TPRG1: variants seen among roughly 807,000 people sequenced by gnomAD.
The protein encoded by TPRG1 is tumor protein p63 regulated 1.
Under a neutral mutation model 29.3 loss-of-function variants are expected in TPRG1, and 29 were observed. The observed-to-expected ratio is 0.99, with a 90% confidence interval of 0.74 to 1.35. TPRG1 has a LOEUF of 1.35. Ranked by LOEUF, TPRG1 falls within the 40% of genes most tolerant of loss-of-function variation. TPRG1 has a pLI of 0.00. For missense variants in TPRG1, 327 were observed against 335.0 expected, an observed-to-expected ratio of 0.98 and a Z score of 0.19; for synonymous variants, 130 against 116.8, an observed-to-expected ratio of 1.11 and a Z score of -0.73.
chr3:189,043,750 T>TGGGCTA (rs1714785374), intron 4 of TPRG1, among the ~76,000 whole-genome samples: 1 of 152,072 alleles, frequency 6.6e-6, no homozygotes, highest in African/African-American at 2.4e-5. Flanking sequence ...CATTTCTGCT[T>TGGGCTA]GGGGCTAGTG....
chr3:189,272,717 T>TTTCTTTCTTTC lies in TPRG1; in HGVS notation c.479+33809_479+33810insTCTTTCTTTCT, dbSNP rs1560633376. Among the ~76,000 whole-genome samples, 623 of 97,276 alleles carry TTTCTTTCTTTC rather than the reference T, an allele frequency of 6.4e-3. 7 individuals are homozygous for TTTCTTTCTTTC. Among genetic ancestry groups the TTTCTTTCTTTC allele is most frequent in the African/African-American group, 0.03 (598 of 19,650 alleles). 63.8% of individuals were successfully genotyped at this position (97,276 alleles called of 152,430 possible). ...TTTCTCTTTCTTTCTTTCTTTCTCC[T>TTTCTTTCTTTC]TCCTTCCTTCCTTCCTTCCTTCCTT... is the stretch of plus-strand genomic sequence containing the variant. On this transcript the variant is annotated intron_variant, in intron 4 of 5. Coordinates refer to ENST00000345063, the MANE Select transcript of TPRG1 (RefSeq NM_198485.4).
intron 4 of TPRG1, among the ~76,000 whole-genome samples, chr3:189,257,921 A>G (rs1432971535): frequency 2.6e-5 from 4 of 152,126 alleles, no homozygotes; most frequent in Admixed American, 2.6e-4. Flanking sequence ...CAAGGTTCTT[A>G]GCTTCTTTGC....
chr3:189,257,131 A>G (rs1223330993), intron 4 of TPRG1, among the ~76,000 whole-genome samples: 1 of 152,206 alleles, frequency 6.6e-6, no homozygotes, highest in Non-Finnish European at 1.5e-5. Context: ...TTGGTTTTGC[A>G]GTAGCTGCTA....
chr3:189,046,912 CCAAAACAAAA>C (rs1406039202), intron 4 of TPRG1, among the ~76,000 whole-genome samples: 1 of 152,066 alleles, frequency 6.6e-6, no homozygotes, highest in Non-Finnish European at 1.5e-5. Context: ...ACAACCACCA[CCAAAACAAAA>C]CAAAACAAAA....
At chr3:189,169,027 C>T (rs538320856), upstream of TPRG1, among the ~76,000 whole-genome samples, 7 of 152,298 alleles carry the variant, frequency 4.6e-5, no homozygotes, top group South Asian at 2.1e-4. Context: ...CAGGATGTCA[C>T]TCCATCCCCA....
rs1406436656 is a variant in TPRG1 at position 189,273,617 on chromosome 3, T to TATTTAGTCTTG, written c.479+34718_479+34719insGATTTAGTCTT. On this transcript the variant is annotated intron_variant, in intron 4 of 5. Transcript: ENST00000345063. The stretch of plus-strand genomic sequence containing the variant: ...GAATGCAAATAGCATCCTGTCATGT[T>TATTTAGTCTTG]ATTTAGTCTTTGGAATTTCCAAAAA... Among the ~76,000 whole-genome samples, 4 of 152,312 alleles carry TATTTAGTCTTG rather than the reference T, an allele frequency of 2.6e-5. No homozygotes were observed. The East Asian group carries it at 7.7e-4, about 29-fold the overall frequency.
At chr3:189,251,216 G>C (rs1670955711) in intron 4 of TPRG1, among the ~76,000 whole-genome samples, 1 of 151,988 alleles carries the variant, frequency 6.6e-6, no homozygotes, top group Non-Finnish European at 1.5e-5. Context: ...TCAGAACTTA[G>C]CAGACAAGTG....
intron 5 of TPRG1, chr3:189,315,371 A>G: frequency 2.7e-6 from 1 of 374,674 alleles, no homozygotes; most frequent in East Asian, 7.6e-5. Context: ...TTGATGTGAT[A>G]TGGTATAATA....
chr3:189,047,396 T>C (rs554756040), intron 4 of TPRG1, among the ~76,000 whole-genome samples: 1 of 152,226 alleles, frequency 6.6e-6, no homozygotes, highest in East Asian at 1.9e-4. Flanking sequence ...GCTAAGAAAA[T>C]GGTAACAATC....
intron 4 of TPRG1, among the ~76,000 whole-genome samples, chr3:189,067,200 T>C (rs1026992176): frequency 4.6e-5 from 7 of 152,198 alleles, no homozygotes; most frequent in Non-Finnish European, 1.0e-4. Flanking sequence ...AAATATTCCA[T>C]ATTCATGGAT....
At chr3:189,049,106 T>C (rs1293327365) in intron 4 of TPRG1, among the ~76,000 whole-genome samples, 1 of 152,080 alleles carries the variant, frequency 6.6e-6, no homozygotes, top group African/African-American at 2.4e-5. Flanking sequence ...AGCTGAACTT[T>C]GTAATAATTT....
chr3:189,181,096 C>G (rs1730154656), intron 1 of TPRG1, among the ~76,000 whole-genome samples: 1 of 152,078 alleles, frequency 6.6e-6, no homozygotes, highest in South Asian at 2.1e-4. Flanking sequence ...GTGGCTAGCA[C>G]ACAGGGCACA....
chr3:189,025,647 G>A (rs1048386136), intron 4 of TPRG1, among the ~76,000 whole-genome samples: 2 of 152,118 alleles, frequency 1.3e-5, no homozygotes, highest in African/African-American at 2.4e-5. Flanking sequence ...TCACTCTAAT[G>A]GTTGACATGT....
chr3:189,099,928 G>A (rs1463282916), upstream of TPRG1, among the ~76,000 whole-genome samples: 2 of 152,156 alleles, frequency 1.3e-5, no homozygotes, highest in African/African-American at 4.8e-5. Context: ...TCCAGTGATG[G>A]ACACCTGTCT....
chr3:189,148,036 A>G (rs763001566), intron 4 of TPRG1, among the ~76,000 whole-genome samples: 16 of 152,208 alleles, frequency 1.1e-4, no homozygotes, highest in Non-Finnish European at 2.1e-4. Context: ...TAGGGAATAC[A>G]AGGCTGCCTA....
chr3:189,315,829 G>A (rs9828510), intron 5 of TPRG1: 72,922 of 168,224 alleles, frequency 0.43, 16,616 homozygotes, highest in African/African-American at 0.54. Context: ...TACTTACGGC[G>A]TAGGGGGAGG....
At chr3:189,129,720 C>A (rs777578709) in intron 2 of TPRG1, among the ~76,000 whole-genome samples, 1 of 152,102 alleles carries the variant, frequency 6.6e-6, no homozygotes, top group South Asian at 2.1e-4. Flanking sequence ...TATTTAAGCT[C>A]AGTTATTTTA....
chr3:188,997,764 T>C (rs1711880706), intron 1 of TPRG1, among the ~76,000 whole-genome samples: 1 of 152,164 alleles, frequency 6.6e-6, no homozygotes, highest in Non-Finnish European at 1.5e-5. Context: ...TCCGAACAAT[T>C]ACATTCCAGG....
intron 2 of TPRG1, among the ~76,000 whole-genome samples, chr3:189,130,865 G>C (rs2108531985): frequency 6.6e-6 from 1 of 152,294 alleles, no homozygotes; most frequent in East Asian, 1.9e-4. Flanking sequence ...GAGATGCAGG[G>C]AATGACCTGC....
Sources: gnomAD v4.1 joint callset for allele counts (sites outside exome capture counted in the v4.1 genomes callset) on GRCh38, gnomAD v4.1.1 for gene constraint, MANE v1.5 for transcripts, NCBI Gene and HGNC (gene_info 2026-07-23, HGNC 2026-07-21) for gene names.